The following SURF6 variants were observed in gnomAD, a reference collection of about 807,000 sequenced individuals.
SURF6 encodes the protein surfeit locus protein 6.
Under a neutral mutation model 37.5 loss-of-function variants are expected in SURF6, and 28 were observed. The observed-to-expected ratio is 0.75, with a 90% confidence interval of 0.55 to 1.02. The LOEUF (loss-of-function observed/expected upper bound fraction) is 1.02, where lower values mean the gene tolerates loss of function less well. Ranked by LOEUF, SURF6 falls within the 50% of genes least tolerant of loss-of-function variation. The pLI is 0.00. For synonymous variants in SURF6, 248 were observed against 210.9 expected, an observed-to-expected ratio of 1.18 and a Z score of -1.52; for missense variants, 560 against 490.5, an observed-to-expected ratio of 1.14 and a Z score of -1.34.
Position 133,332,022 on chromosome 9 carries a change from C to G in SURF6, c.933G>C (p.Thr311=). 3.7e-6 allele frequency: 6 copies of G among 1,601,204 alleles called. No homozygotes were observed. Among genetic ancestry groups the G allele is most frequent in the Non-Finnish European group, 5.1e-6 (6 of 1,179,248 alleles). ...AQRQRRWEKR[T]AGVVEKMQQR... ...GCTGCATCTTCTCCACCACGCCGGC[C>G]GTGCGCTTCTCCCACCGGCGCTGCC... The change falls in exon 5 of 5, where the codon ACG becomes ACC. Residue 311 remains threonine, a synonymous_variant. Coordinates refer to ENST00000372022, the MANE Select transcript of SURF6 (RefSeq NM_006753.6).
chr9:133,332,525 C>A, intron 4 of SURF6, 23 bp downstream of exon 4: 2 of 1,601,996 alleles, frequency 1.2e-6, no homozygotes, highest in South Asian at 2.2e-5. Context: ...CCCAGCCCGC[C>A]CAAGGACCCA....
chr9:133,329,331 G>T lies in SURF6; in HGVS notation c.*2538C>A, dbSNP rs1259338321. ...TAGGCCTCCAGATAACTGCGGGCAG[G>T]CCTGCCGGATGTCAGGCCCTCCACA... On this transcript the variant is annotated 3_prime_UTR_variant, in exon 5 of 5. Coordinates refer to ENST00000372022, the MANE Select transcript of SURF6 (RefSeq NM_006753.6). 1 of 182,820 alleles carries T rather than the reference G, an allele frequency of 5.5e-6. No individual in the cohort carries two copies. The highest frequency in any genetic ancestry group is 1.2e-5 in the Non-Finnish European group (1 of 86,628). 11.3% of individuals were successfully genotyped at this position (182,820 alleles called of 1,614,324 possible). A position where few individuals can be genotyped will look rare whatever the true frequency, so the allele number is the denominator to read the frequency against.
chr9:133,336,123 G>C lies in SURF6; in HGVS notation c.10C>G (p.Leu4Val), dbSNP rs2129934381. 1.6e-5 allele frequency: 25 copies of C among 1,611,940 alleles called. No homozygotes were observed. The highest frequency in any genetic ancestry group is 4.5e-5 in the East Asian group (2 of 44,818). Residue 4 changes from leucine to valine, a missense_variant, in exon 1 of 5, where the codon CTA becomes GTA. By Grantham distance (32) the Leu-to-Val change is conservative. Transcript: ENST00000372022. ...TGCAGGTAGGCGTCCTTGGCGAGTA[G>C]AGAGGCCATGGCGGAGACCCGGGCC... The part of the protein sequence containing the change: MAS[L>V]LAKDAYLQSL...
rs1000705740 is a variant in SURF6 at position 133,329,556 on chromosome 9, C to G, written c.*2313G>C. ...CTCTGGTGGCCCTGTCCGGGCATAA[C>G]AGAAGGCTCGCACTCTTGTCTTCTG... On this transcript the variant is annotated 3_prime_UTR_variant, in exon 5 of 5. Transcript: ENST00000372022. 1.1e-5 allele frequency: 2 copies of G among 174,502 alleles called. No individual in the cohort carries two copies. The highest frequency in any genetic ancestry group is 2.4e-5 in the African/African-American group (1 of 41,852). The allele number at this position is 174,502 out of a possible 1,614,324, so 10.8% of individuals were successfully genotyped here.
At position 133,330,921 on chromosome 9, in the gene SURF6, T is replaced by C. The variant is rs2119039251; in HGVS notation, c.*948A>G. 6.6e-6 allele frequency: 1 copy of C among 152,338 alleles called. No homozygotes were observed. Among genetic ancestry groups the C allele is most frequent in the Admixed American group, 6.5e-5 (1 of 15,300 alleles). The allele number at this position is 152,338 out of a possible 1,614,324, so 9.4% of individuals were successfully genotyped here. A position where few individuals can be genotyped will look rare whatever the true frequency, so the allele number is the denominator to read the frequency against. ...CTCATGCTCACCTCACATCCTATCTTTCACAGGGCTTTTTCATCAGTTGCC... is the reference window on the plus strand; with the variant it reads ...CTCATGCTCACCTCACATCCTATCTCTCACAGGGCTTTTTCATCAGTTGCC... On this transcript the variant is annotated 3_prime_UTR_variant, in exon 5 of 5. Transcript: ENST00000372022.
Position 133,336,047 on chromosome 9 carries a change from C to A in SURF6, c.86G>T (p.Arg29Leu). ...CCGGCCCTGTGCGTTACCCCGCGTG[C>A]GCGCCTGCTGTTCCGGGGCCGAATG... ...CSHSAPEQQA[R>L]TRAGKTQGSE... The change falls in exon 1 of 5, where the codon CGC (arginine) becomes CTC (leucine). Residue 29 changes from arginine to leucine, a missense_variant. Arg to Leu is a moderately radical substitution (Grantham distance 102). Coordinates refer to ENST00000372022, the MANE Select transcript of SURF6 (RefSeq NM_006753.6). 6.2e-7 allele frequency: 1 copy of A among 1,611,298 alleles called. No individual in the cohort carries two copies. The highest frequency in any genetic ancestry group is 1.7e-4 in the Middle Eastern group (1 of 6,058).
chr9:133,334,464 A>G lies in SURF6; in HGVS notation c.232T>C (p.Ser78Pro). ...GCTGCCTCAGGCCTCCTGGCCCCAG[A>G]GGCTGCTGGAGATTTCTCCCCCAAG... is the stretch of plus-strand genomic sequence containing the variant. ...KSLGEKSPAASGARRPEAAKE... is the reference protein window; with the variant it reads ...KSLGEKSPAAPGARRPEAAKE... The change falls in exon 2 of 5, where the codon TCT becomes CCT. Residue 78 changes from serine (S) to proline (P), a missense_variant. Transcript: ENST00000372022. 6.2e-7 allele frequency: 1 copy of G among 1,614,054 alleles called. No individual in the cohort carries two copies. The highest frequency in any genetic ancestry group is 8.5e-7 in the Non-Finnish European group (1 of 1,180,038).
In SURF6 at chr9:133,332,304, T is replaced by C. The variant is rs147447198; in HGVS notation, c.651A>G (p.Arg217=). ...CCTTCACCCTCTGCCTCTTCTCTTT[T>C]CTGCGCTGCGCCTTGCTGGCCGGCT... is the stretch of plus-strand genomic sequence containing the variant. ...EDEPASKAQR[R]KEKRQRVKGN... The change falls in exon 5 of 5, where the codon AGA becomes AGG. Residue 217 remains arginine (R), a synonymous_variant. Coordinates refer to ENST00000372022, the MANE Select transcript of SURF6 (RefSeq NM_006753.6). 151 of 1,597,320 alleles carry C rather than the reference T, an allele frequency of 9.5e-5. No homozygotes were observed. Among genetic ancestry groups the C allele is most frequent in the Non-Finnish European group, 1.2e-4 (145 of 1,175,630 alleles).
chr9:133,332,490 G>T, intron 4 of SURF6, 58 bp downstream of exon 4: 1 of 1,578,604 alleles, frequency 6.3e-7, no homozygotes, highest in South Asian at 1.1e-5. Context: ...AGCTAACAAG[G>T]GGCAACGCTG....
chr9:133,335,707 T>C lies in SURF6; in HGVS notation c.94+332A>G, dbSNP rs1352313981. Among the ~76,000 whole-genome samples, 2 of 103,930 alleles carry C rather than the reference T, an allele frequency of 1.9e-5. 1 individual carries two copies. Among genetic ancestry groups the C allele is most frequent in the South Asian group, 6.3e-4 (2 of 3,174 alleles). 68.2% of individuals were successfully genotyped at this position (103,930 alleles called of 152,430 possible). A position where few individuals can be genotyped will look rare whatever the true frequency, so the allele number is the denominator to read the frequency against. On this transcript the variant is annotated intron_variant, in intron 1 of 4. Transcript: ENST00000372022. ...CCATTACTCCTGTCTCTACTAAAAA[T>C]GCAAAAAAAAAAAAAAAAATTAGCT... is the stretch of plus-strand genomic sequence containing the variant.
rs2129916305 is a variant in SURF6, at chr9:133,332,210, G to A, written c.745C>T (p.Arg249Trp). Residue 249 changes from arginine (R) to tryptophan (W), a missense_variant, in exon 5 of 5, where the codon CGG becomes TGG. Coordinates refer to ENST00000372022, the MANE Select transcript of SURF6 (RefSeq NM_006753.6). ...LLERLQARQS[R>W]LDELRGQDEG... is the part of the protein sequence containing the mutation. ...TCCTGGCCGCGCAGCTCGTCCAGCC[G>A]GCTCTGCCGTGCCTGCAGGCGCTCC... The A allele has an allele frequency of 5.0e-6, 8 of 1,608,126 alleles. No homozygotes were observed. The highest frequency in any genetic ancestry group is 4.5e-5 in the East Asian group (2 of 44,868).
intron 1 of SURF6, among the ~76,000 whole-genome samples, chr9:133,335,562 G>A (rs1012893925): frequency 6.6e-6 from 1 of 152,004 alleles, no homozygotes; most frequent in Non-Finnish European, 1.5e-5. Flanking sequence ...CTTCCCTTGT[G>A]CAGCGTGGTC....
In SURF6 at chr9:133,329,443, C is replaced by T; in HGVS notation, c.*2426G>A. 3.5e-6 allele frequency: 1 copy of T among 287,306 alleles called. No individual in the cohort carries two copies. Among genetic ancestry groups the T allele is most frequent in the Non-Finnish European group, 7.2e-6 (1 of 139,630 alleles). 17.8% of individuals were successfully genotyped at this position (287,306 alleles called of 1,614,324 possible). ...GTCTGCTAAGTAGCGGGTGTTGTTC[C>T]TTGATACTTTTTGCTACTGCTAGAC... On this transcript the variant is annotated 3_prime_UTR_variant, in exon 5 of 5. Transcript: ENST00000372022.
Position 133,334,249 on chromosome 9 carries a change from T to C in SURF6, c.304+143A>G, listed in dbSNP as rs1001206222. ...TCGGTCCCATCCACCCTAGCACTCC[T>C]GTGATCTTTGCTCTTGGGGAAGTCT... On this transcript the variant is annotated intron_variant, in intron 2 of 4. Transcript: ENST00000372022. 6.7e-6 allele frequency: 5 copies of C among 742,916 alleles called. No individual in the cohort carries two copies. The African/African-American group carries it at 8.9e-5, about 13-fold the overall frequency. 46.0% of individuals were successfully genotyped at this position (742,916 alleles called of 1,614,324 possible).
intron 2 of SURF6, 42 bp downstream of exon 2, chr9:133,334,350 G>T (rs2129926617): frequency 2.6e-6 from 4 of 1,535,524 alleles, no homozygotes; most frequent in Non-Finnish European, 2.6e-6. Flanking sequence ...CCCAGCCCCA[G>T]CCCCGCCCTG....
Position 133,336,159 on chromosome 9 carries a change from C to G in SURF6, c.-27G>C. 1 of 1,583,846 alleles carries G rather than the reference C, an allele frequency of 6.3e-7. No individual in the cohort carries two copies. On this transcript the variant is annotated 5_prime_UTR_variant, in exon 1 of 5. Coordinates refer to ENST00000372022, the MANE Select transcript of SURF6 (RefSeq NM_006753.6). ...GCGGAGACCCGGGCCGTTCACGACT[C>G]ACACCTTCCCCGCTGCGCGTGCGAC...
At chr9:133,334,018 GAA>G (rs1835813425) in intron 2 of SURF6, among the ~76,000 whole-genome samples, 1 of 152,188 alleles carries the variant, frequency 6.6e-6, no homozygotes, top group Admixed American at 6.5e-5. Flanking sequence ...CGTGGTATGA[GAA>G]AACACTTCCT....
intron 1 of SURF6, among the ~76,000 whole-genome samples, chr9:133,335,068 T>C: frequency 6.6e-6 from 1 of 152,202 alleles, no homozygotes; most frequent in African/African-American, 2.4e-5. Context: ...CAAGCGATTC[T>C]CTTGCCTCAG....
At position 133,334,729 on chromosome 9, in the gene SURF6, T is replaced by C. The variant is rs2129929026; in HGVS notation, c.95-128A>G. 2.6e-5 allele frequency: 29 copies of C among 1,099,564 alleles called. No homozygotes were observed. The African/African-American group carries it at 4.2e-4, about 16-fold the overall frequency. The allele number at this position is 1,099,564 out of a possible 1,614,324, so 68.1% of individuals were successfully genotyped here. A position where few individuals can be genotyped will look rare whatever the true frequency, so the allele number is the denominator to read the frequency against. On this transcript the variant is annotated intron_variant, in intron 1 of 4. Coordinates refer to ENST00000372022, the MANE Select transcript of SURF6 (RefSeq NM_006753.6). ...GATCAGGATCGGGGGCCAGAGACAC[T>C]GATCCTAGAGCTCAGAACCACAACC...
Sources: allele counts gnomAD v4.1 joint callset (sites outside exome capture counted in the v4.1 genomes callset), GRCh38; gene constraint gnomAD v4.1.1; transcripts MANE v1.5; gene names NCBI Gene and HGNC (gene_info 2026-07-23, HGNC 2026-07-21).